Variants in GTPBP2 observed in about 807,000 individuals in gnomAD.
GTPBP2 encodes the protein GTP binding protein 2, also known as GTP-binding protein 2.
Under a neutral mutation model 63.0 loss-of-function variants are expected in GTPBP2, and 32 were observed. The ratio of observed to expected loss-of-function variants is 0.51; its 90% CI spans 0.38 to 0.68. The LOEUF is 0.68. GTPBP2 is among the 30% of genes least tolerant of loss of function. The pLI is 0.00. For missense variants in GTPBP2, 492 were observed against 796.9 expected (o/e 0.62, Z 4.61); for synonymous variants, 310 against 322.6 (o/e 0.96, Z 0.42).
In GTPBP2 at chr6:43,621,756, C is replaced by T. The variant is rs35691947; in HGVS notation, c.1667G>A (p.Arg556His). ...KLRTGEKAVV[R>H]FRFLKHPEYL... ...CTCTGGGTGTTTCAGGAAGCGGAAA[C>T]GTACCACTGCCTTCTCGCCTGTCCG... The change falls in exon 12 of 12, where the codon CGT becomes CAT. Residue 556 changes from arginine to histidine, a missense_variant. This residue lies in a region of GTPBP2 where 400 missense variants were observed against 710.8 expected (regional missense o/e 0.56). Transcript: ENST00000307126. 15 of 1,614,170 alleles carry T rather than the reference C, an allele frequency of 9.3e-6. No homozygotes were observed. The African/African-American group carries it at 1.5e-4, about 16-fold the overall frequency.
In GTPBP2 at chr6:43,629,165, G is replaced by A. The variant is rs1440040640; in HGVS notation, c.-3C>T. On this transcript the variant is annotated 5_prime_UTR_variant, in exon 1 of 12. Transcript: ENST00000307126. ...AGCTCCGATACCCGCGAGTCCATCC[G>A]CCGCTGCCGCCAGCCCCCCGCCCGG... 2.2e-6 allele frequency: 3 copies of A among 1,359,536 alleles called. No homozygotes were observed. Among genetic ancestry groups the A allele is most frequent in the African/African-American group, 1.6e-5 (1 of 62,196 alleles). The allele number at this position is 1,359,536 out of a possible 1,614,324, so 84.2% of individuals were successfully genotyped here.
rs1769730826 is a variant in GTPBP2, at chr6:43,629,220, G to A, written c.-58C>T. 11 of 1,103,928 alleles carry A rather than the reference G, an allele frequency of 1.0e-5. No homozygotes were observed. Among genetic ancestry groups the A allele is most frequent in the Non-Finnish European group, 1.1e-5 (10 of 879,796 alleles). The allele number at this position is 1,103,928 out of a possible 1,614,324, so 68.4% of individuals were successfully genotyped here. A position where few individuals can be genotyped will look rare whatever the true frequency, so the allele number is the denominator to read the frequency against. ...TCCCCCGACCGCCGCCGCCGTCGCC[G>A]CCGCCCTTACTGCCACTGCCGTGTC... is the stretch of plus-strand genomic sequence containing the variant. On this transcript the variant is annotated 5_prime_UTR_variant, in exon 1 of 12. Coordinates refer to ENST00000307126, the MANE Select transcript of GTPBP2 (RefSeq NM_019096.5).
chr6:43,626,507 C>A lies in GTPBP2; in HGVS notation c.214-97G>T. The A allele has an allele frequency of 1.1e-6, 1 of 942,398 alleles. No individual in the cohort carries two copies. Among genetic ancestry groups the A allele is most frequent in the Admixed American group, 2.2e-5 (1 of 45,706 alleles). The allele number at this position is 942,398 out of a possible 1,614,324, so 58.4% of individuals were successfully genotyped here. A position where few individuals can be genotyped will look rare whatever the true frequency, so the allele number is the denominator to read the frequency against. On this transcript the variant is annotated intron_variant, in intron 2 of 11. Coordinates refer to ENST00000307126, the MANE Select transcript of GTPBP2 (RefSeq NM_019096.5). This position sits in a 1 kb window ranked among gnomAD's most constrained non-coding sequence, Gnocchi z 4.0. The stretch of plus-strand genomic sequence containing the variant: ...TCTGCTGCAAGGACCAGGACTTTCT[C>A]TTTCCACTTAAACTCATACCTGATC...
Position 43,625,259 on chromosome 6 carries a change from A to G in GTPBP2, c.705+104T>C. 8.7e-7 allele frequency: 1 copy of G among 1,146,002 alleles called. No homozygotes were observed. The highest frequency in any genetic ancestry group is 1.3e-5 in the South Asian group (1 of 76,064). 71.0% of individuals were successfully genotyped at this position (1,146,002 alleles called of 1,614,324 possible). ...CAGTCCCCTCAGGGCATTCATCTAT[A>G]CTATTTCAAAAAGTCTCCACACTCT... On this transcript the variant is annotated intron_variant, in intron 5 of 11. Transcript: ENST00000307126. This position sits in a 1 kb window ranked among gnomAD's most constrained non-coding sequence, Gnocchi z 5.1.
chr6:43,630,213 A>G (rs1323955624), upstream of GTPBP2, among the ~76,000 whole-genome samples: 1 of 152,212 alleles, frequency 6.6e-6, no homozygotes, highest in African/African-American at 2.4e-5. Context: ...TTGTGAAGCA[A>G]TCTCCAGCTC....
intron 1 of GTPBP2, chr6:43,627,369 C>A: frequency 1.0e-6 from 1 of 995,024 alleles, no homozygotes; most frequent in African/African-American, 1.7e-5. Context: ...TTCCTCCCTG[C>A]CTGCCCCTTT....
chr6:43,623,990 C>T lies in GTPBP2; in HGVS notation c.1179G>A (p.Pro393=), dbSNP rs144104693. 1.1e-5 allele frequency: 17 copies of T among 1,613,914 alleles called. No homozygotes were observed. In the Admixed American group the frequency reaches 1.2e-4, roughly 11 times the overall value. ...DLLKVFLNIL[P]PLTNSKEQEE... ...CCTGCTCTTTGCTGTTGGTGAGTGGCGGCAGAATATTCAGAAAGACTTTGA... is the reference window on the plus strand; with the variant it reads ...CCTGCTCTTTGCTGTTGGTGAGTGGTGGCAGAATATTCAGAAAGACTTTGA... The change falls in exon 8 of 12, where the codon CCG becomes CCA. Residue 393 remains proline, a synonymous_variant. Transcript: ENST00000307126.
upstream of GTPBP2, chr6:43,629,638 G>A: frequency 8.7e-7 from 1 of 1,143,674 alleles, no homozygotes; most frequent in South Asian, 1.3e-5. Context: ...TCCGGGATTT[G>A]GCCCTTTAGC....
In GTPBP2 at chr6:43,624,111, A is replaced by G. The variant is rs1769077768; in HGVS notation, c.1101-43T>C. The G allele has an allele frequency of 2.6e-6, 4 of 1,558,434 alleles. No homozygotes were observed. Among genetic ancestry groups the G allele is most frequent in the African/African-American group, 2.7e-5 (2 of 73,754 alleles). ...GAATGGACAGATGAAGACAGTCCAAACAGGAGGCAGAGGCCAGAGCCCCAT... is the reference window on the plus strand; with the variant it reads ...GAATGGACAGATGAAGACAGTCCAAGCAGGAGGCAGAGGCCAGAGCCCCAT... On this transcript the variant is annotated intron_variant, in intron 7 of 11. Transcript: ENST00000307126. This position sits in a 1 kb window ranked among gnomAD's most constrained non-coding sequence, Gnocchi z 5.1.
At position 43,629,258 on chromosome 6, in the gene GTPBP2, G is replaced by A; in HGVS notation, c.-96C>T. The A allele has an allele frequency of 2.1e-6, 2 of 934,098 alleles. No individual in the cohort carries two copies. Among genetic ancestry groups the A allele is most frequent in the South Asian group, 4.8e-5 (2 of 41,468 alleles). 57.9% of individuals were successfully genotyped at this position (934,098 alleles called of 1,614,324 possible). ...CCACTGCCGTGTCCGGCCGGCCTGA[G>A]CAGAGTGGGGTGGGGCTCTGCACAA... is the stretch of plus-strand genomic sequence containing the variant. On this transcript the variant is annotated 5_prime_UTR_variant, in exon 1 of 12. Coordinates refer to ENST00000307126, the MANE Select transcript of GTPBP2 (RefSeq NM_019096.5).
chr6:43,629,194 C>T lies in GTPBP2; in HGVS notation c.-32G>A. On this transcript the variant is annotated 5_prime_UTR_variant, in exon 1 of 12. Transcript: ENST00000307126. ...CTGCCGCCAGCCCCCCGCCCGGCCC[C>T]TCCCCCGACCGCCGCCGCCGTCGCC... is the stretch of plus-strand genomic sequence containing the variant. 6 of 1,335,366 alleles carry T rather than the reference C, an allele frequency of 4.5e-6. No homozygotes were observed. Among genetic ancestry groups the T allele is most frequent in the South Asian group, 2.0e-5 (1 of 51,138 alleles). 82.7% of individuals were successfully genotyped at this position (1,335,366 alleles called of 1,614,324 possible). A position where few individuals can be genotyped will look rare whatever the true frequency, so the allele number is the denominator to read the frequency against.
intron 1 of GTPBP2, 73 bp from the exon 2 acceptor site, chr6:43,627,021 G>A: frequency 7.5e-7 from 1 of 1,336,842 alleles, no homozygotes; most frequent in East Asian, 2.4e-5. Flanking sequence ...TTCCCACTGG[G>A]TCCAGGTAGC....
intron 1 of GTPBP2, among the ~76,000 whole-genome samples, chr6:43,628,006 A>C (rs1769518207): frequency 6.6e-6 from 1 of 152,250 alleles, no homozygotes; most frequent in African/African-American, 2.4e-5. Flanking sequence ...CAGCAGCATT[A>C]GTATCACACG....
intron 1 of GTPBP2, chr6:43,628,542 G>T: frequency 1.0e-6 from 1 of 982,880 alleles, no homozygotes; most frequent in Non-Finnish European, 1.2e-6. Flanking sequence ...TACTGTGTGT[G>T]TGTCCGTGTG....
At position 43,623,780 on chromosome 6, in the gene GTPBP2, T is replaced by A; in HGVS notation, c.1252A>T (p.Thr418Ser). 6.2e-7 allele frequency: 1 copy of A among 1,613,852 alleles called. No individual in the cohort carries two copies. Among genetic ancestry groups the A allele is most frequent in the Non-Finnish European group, 8.5e-7 (1 of 1,179,694 alleles). Residue 418 changes from threonine to serine, a missense_variant, in exon 9 of 12, where the codon ACA (threonine) becomes TCA (serine). Transcript: ENST00000307126. ...LTEFQVDEIY[T>S]VPEVGTVVGG... Reference sequence around the variant, plus strand: ...ACAACAGTCCCCACCTCTGGTACTGTGTAGATTTCATCCACCTGAAGCCAA... The same window carrying A: ...ACAACAGTCCCCACCTCTGGTACTGAGTAGATTTCATCCACCTGAAGCCAA...
Position 43,625,418 on chromosome 6 carries a change from G to C in GTPBP2, c.650C>G (p.Ser217Cys). The C allele has an allele frequency of 6.2e-7, 1 of 1,614,108 alleles. No homozygotes were observed. The highest frequency in any genetic ancestry group is 8.5e-7 in the Non-Finnish European group (1 of 1,180,020). The change falls in exon 5 of 12, where the codon TCT becomes TGT. Residue 217 changes from serine (S) to cysteine (C), a missense_variant. Transcript: ENST00000307126. The surrounding 1 kb of genome is among the most constrained non-coding windows in gnomAD (Gnocchi z 5.1). ...GAAGCTGATGCTGGAGGTTCGGCCA[G>C]ACTGAATCTCATGCAGGTGGCGGAA... ...NLFRHLHEIQ[S>C]GRTSSISFEI...
chr6:43,629,158 T>C lies in GTPBP2; in HGVS notation c.5A>G (p.Asp2Gly). Residue 2 changes from aspartate to glycine, a missense_variant, in exon 1 of 12, where the codon GAC (aspartate) becomes GGC (glycine). Physicochemically the swap from Asp to Gly is moderately conservative, Grantham distance 94 (BLOSUM62 -1). Transcript: ENST00000307126. M[D>G]SRVSELFGGC... ...GCCGAACAGCTCCGATACCCGCGAG[T>C]CCATCCGCCGCTGCCGCCAGCCCCC... 1 of 1,431,566 alleles carries C rather than the reference T, an allele frequency of 7.0e-7. No homozygotes were observed. Among genetic ancestry groups the C allele is most frequent in the Non-Finnish European group, 9.1e-7 (1 of 1,102,290 alleles). The allele number at this position is 1,431,566 out of a possible 1,614,324, so 88.7% of individuals were successfully genotyped here. A position where few individuals can be genotyped will look rare whatever the true frequency, so the allele number is the denominator to read the frequency against.
rs745419136 is a variant in GTPBP2, at chr6:43,624,490, T to C, written c.1100+20A>G. ...GCAGCCTTCCTAGTGGATCAGGGCT[T>C]TAGAGTAAGGTGGGCTTACTTGGGT... is the stretch of plus-strand genomic sequence containing the variant. On this transcript the variant is annotated intron_variant, in intron 7 of 11. Coordinates refer to ENST00000307126, the MANE Select transcript of GTPBP2 (RefSeq NM_019096.5). The surrounding 1 kb of genome is among the most constrained non-coding windows in gnomAD (Gnocchi z 5.1). 3 of 1,570,174 alleles carry C rather than the reference T, an allele frequency of 1.9e-6. No homozygotes were observed. Among genetic ancestry groups the C allele is most frequent in the Non-Finnish European group, 2.6e-6 (3 of 1,143,798 alleles).
intron 9 of GTPBP2, 96 bp downstream of exon 9, chr6:43,623,641 T>C: frequency 1.1e-6 from 1 of 887,198 alleles, no homozygotes; most frequent in South Asian, 1.3e-5. Context: ...TTTAAATGGG[T>C]TCCGTTCAAT....
Sources: gnomAD v4.1 joint callset for allele counts (sites outside exome capture counted in the v4.1 genomes callset) on GRCh38, gnomAD v4.1.1 for gene constraint, gnomAD v4.1.1 regional missense constraint, Gnocchi (gnomAD v3.1) non-coding constraint, MANE v1.5 for transcripts, NCBI Gene and HGNC (gene_info 2026-07-23, HGNC 2026-07-21) for gene names.